The following HK1 variants were observed in gnomAD, a reference collection of about 807,000 sequenced individuals.
HK1 encodes hexokinase 1, also known as hexokinase-1.
HK1 carries 28 observed loss-of-function variants against 91.6 expected under a neutral mutation model. The ratio of observed to expected loss-of-function variants is 0.31; its 90% CI spans 0.23 to 0.42. The LOEUF is 0.42. HK1 is among the 10% of genes least tolerant of loss of function. The probability of loss-of-function intolerance (pLI) is 1.00; values close to 1 mark genes in which losing one functional copy is unlikely to be tolerated. For missense variants in HK1, 770 were observed against 1,219.8 expected, an observed-to-expected ratio of 0.63 and a Z score of 5.49; for synonymous variants, 430 against 468.1, an observed-to-expected ratio of 0.92 and a Z score of 1.05.
intron 7 of HK1, among the ~76,000 whole-genome samples, chr10:69,375,635 G>C (rs760951872): frequency 4.6e-5 from 7 of 152,204 alleles, no homozygotes. Flanking sequence ...GGCTCTGGTT[G>C]GAACAGATTG....
intron 2 of HK1, among the ~76,000 whole-genome samples, chr10:69,349,710 A>T (rs1342819233): frequency 6.6e-6 from 1 of 152,224 alleles, no homozygotes; most frequent in African/African-American, 2.4e-5. Flanking sequence ...GTGACTGGAC[A>T]CGACAGCTCT....
chr10:69,373,402 G>C (rs556995617), intron 7 of HK1, among the ~76,000 whole-genome samples: 1 of 152,282 alleles, frequency 6.6e-6, no homozygotes, highest in East Asian at 1.9e-4. Context: ...CCTGCTTTGA[G>C]TGTTCAGGCC....
At chr10:69,275,347 C>T (rs1273515461) in intron 1 of HK1, among the ~76,000 whole-genome samples, 1 of 150,646 alleles carries the variant, frequency 6.6e-6, no homozygotes, top group African/African-American at 2.4e-5. Flanking sequence ...ATGGCGAGAC[C>T]CCATCTCTAC....
At chr10:69,310,642 G>A (rs1016434652) in intron 5 of HK1, among the ~76,000 whole-genome samples, 1 of 152,166 alleles carries the variant, frequency 6.6e-6, no homozygotes, top group Non-Finnish European at 1.5e-5. Flanking sequence ...AGCCAAATAT[G>A]AGCAGCCAGT....
Position 69,359,640 on chromosome 10 carries a change from A to G in HK1, c.227-257A>G, listed in dbSNP as rs548099936. On this transcript the variant is annotated intron_variant, in intron 2 of 17. Transcript: ENST00000359426. ...CTTAATTCAGTACTTCCATTCCCCT[A>G]TAGTCAGAAGTAAGAGACTGGGATT... 1.6e-3 allele frequency among the ~76,000 whole-genome samples: 238 copies of G among 152,366 alleles called. 1 individual carries two copies. The highest frequency in any genetic ancestry group is 3.5e-3 in the South Asian group (17 of 4,824).
Position 69,369,399 on chromosome 10 carries a change from T to G in HK1, c.692-42T>G, listed in dbSNP as rs1474164590. On this transcript the variant is annotated intron_variant, in intron 6 of 17. Coordinates refer to ENST00000359426, the MANE Select transcript of HK1 (RefSeq NM_000188.3). The surrounding 1 kb of genome is among the most constrained non-coding windows in gnomAD (Gnocchi z 4.4). The stretch of plus-strand genomic sequence containing the variant: ...CATCTTTCCAGGTGGCTCTGCACCC[T>G]CCCCGTTGTGTGGTCATAGCTTCTG... The G allele has an allele frequency of 6.2e-7, 1 of 1,613,926 alleles. No individual in the cohort carries two copies.
At chr10:69,377,866 C>T (rs1437610757) in intron 8 of HK1, among the ~76,000 whole-genome samples, 2 of 152,164 alleles carry the variant, frequency 1.3e-5, no homozygotes, top group African/African-American at 4.8e-5. Context: ...TTGAGAAACA[C>T]CGGTTAACAG....
At chr10:69,336,670 C>T (rs1372154603) in intron 1 of HK1, among the ~76,000 whole-genome samples, 3 of 106,050 alleles carry the variant, frequency 2.8e-5, no homozygotes, top group Non-Finnish European at 5.3e-5. Context: ...GATGGATTCT[C>T]GCCTTGTTGC....
chr10:69,382,846 CGCAGTGGG>C, intron 10 of HK1, 55 bp downstream of exon 10: 1 of 1,571,738 alleles, frequency 6.4e-7, no homozygotes, highest in Non-Finnish European at 8.7e-7. Flanking sequence ...GGAACTGAGC[CGCAGTGGG>C]GGAGGTTGGA....
chr10:69,330,059 A>G (rs1227473779), intron 1 of HK1, among the ~76,000 whole-genome samples: 3 of 152,056 alleles, frequency 2.0e-5, no homozygotes, highest in Non-Finnish European at 2.9e-5. Context: ...AACCCCCTCA[A>G]TGCTCCTTGC....
intron 2 of HK1, among the ~76,000 whole-genome samples, chr10:69,285,288 G>A (rs1200802986): frequency 6.6e-6 from 1 of 152,024 alleles, no homozygotes; most frequent in Non-Finnish European, 1.5e-5. Flanking sequence ...GCCGGGCGAG[G>A]TGGCGGGCGC....
At chr10:69,312,288 G>A (rs1589465976), upstream of HK1, among the ~76,000 whole-genome samples, 1 of 152,204 alleles carries the variant, frequency 6.6e-6, no homozygotes, top group Non-Finnish European at 1.5e-5. Context: ...CCAGGCTGGA[G>A]GGCAGTGGCA....
At chr10:69,344,023 G>C in intron 2 of HK1, 34 bp downstream of exon 2, 1 of 1,607,846 alleles carries the variant, frequency 6.2e-7, no homozygotes, top group Non-Finnish European at 8.5e-7. Context: ...AACCCTGAGG[G>C]CTAAATGTTC....
At chr10:69,321,486 A>T (rs1564510239) in intron 1 of HK1, among the ~76,000 whole-genome samples, 1 of 152,142 alleles carries the variant, frequency 6.6e-6, no homozygotes, top group African/African-American at 2.4e-5. Flanking sequence ...CCTGCTGAGG[A>T]TGGTTCCCCC....
chr10:69,393,921 A>AC (rs779401092), intron 15 of HK1, among the ~76,000 whole-genome samples: 3 of 151,918 alleles, frequency 2.0e-5, no homozygotes, highest in Non-Finnish European at 4.4e-5. Flanking sequence ...TAATAGTAAG[A>AC]CCCCCTTGGT....
intron 2 of HK1, among the ~76,000 whole-genome samples, chr10:69,346,068 C>T (rs914210720): frequency 4.2e-4 from 62 of 147,702 alleles, no homozygotes; most frequent in Non-Finnish European, 9.1e-5. Flanking sequence ...CCCCAGTCCA[C>T]TTCCTGCCCC....
At chr10:69,375,934 C>T (rs779077749) in intron 7 of HK1, among the ~76,000 whole-genome samples, 12 of 152,196 alleles carry the variant, frequency 7.9e-5, no homozygotes, top group Admixed American at 3.9e-4. Context: ...GGTGCTTGAC[C>T]GGGGCTGGAG....
chr10:69,347,729 C>T lies in HK1; in HGVS notation c.226+3740C>T, dbSNP rs569438401. On this transcript the variant is annotated intron_variant, in intron 2 of 17. Coordinates refer to ENST00000359426, the MANE Select transcript of HK1 (RefSeq NM_000188.3). Reference sequence around the variant, plus strand: ...GATTACAGGTGTGAGCCACCACGCCCGGTTTAGGAACAGACATCTTTAAAA... The same window carrying T: ...GATTACAGGTGTGAGCCACCACGCCTGGTTTAGGAACAGACATCTTTAAAA... 4.6e-5 allele frequency among the ~76,000 whole-genome samples: 7 copies of T among 152,194 alleles called. No homozygotes were observed. In the South Asian group the frequency reaches 8.3e-4, roughly 18 times the overall value.
chr10:69,350,800 TC>T (rs775594332), intron 2 of HK1, among the ~76,000 whole-genome samples: 49 of 152,208 alleles, frequency 3.2e-4, no homozygotes, highest in Non-Finnish European at 5.1e-4. Flanking sequence ...GTGCCCCTTT[TC>T]CCCCTATGCA....
Sources: allele counts gnomAD v4.1 joint callset (sites outside exome capture counted in the v4.1 genomes callset), GRCh38; gene constraint gnomAD v4.1.1; non-coding constraint Gnocchi (gnomAD v3.1); transcripts MANE v1.5; gene names NCBI Gene and HGNC (gene_info 2026-07-23, HGNC 2026-07-21).